The following DCC variants were observed in gnomAD, a reference collection of about 807,000 sequenced individuals.
DCC encodes netrin receptor DCC.
In DCC, 58 loss-of-function variants were observed where a neutral mutation model predicts 172.5. The observed-to-expected ratio is 0.34, with a 90% CI of 0.27 to 0.42. The LOEUF is 0.42. DCC is among the 10% of genes least tolerant of loss of function. The pLI, the probability that DCC is intolerant of heterozygous loss-of-function variation, is 1.00. For missense variants in DCC, 1,740 were observed against 1,791.0 expected (o/e 0.97, Z 0.51); for synonymous variants, 709 against 644.5 (o/e 1.10, Z -1.52).
chr18:52,500,829 C>G (rs574273065), intron 1 of DCC, among the ~76,000 whole-genome samples: 100 of 152,082 alleles, frequency 6.6e-4, no homozygotes, highest in Non-Finnish European at 1.3e-3. Flanking sequence ...TGTGACTTAG[C>G]CTTTTTGATT....
chr18:53,041,158 A>T (rs2143997719), intron 5 of DCC, among the ~76,000 whole-genome samples: 1 of 152,184 alleles, frequency 6.6e-6, no homozygotes, highest in East Asian at 1.9e-4. Flanking sequence ...TCTTACGTTT[A>T]AGTCTTTAAT....
At chr18:52,764,104 T>G (rs1385817316) in intron 2 of DCC, among the ~76,000 whole-genome samples, 1 of 152,236 alleles carries the variant, frequency 6.6e-6, no homozygotes, top group African/African-American at 2.4e-5. Context: ...AACATTTTGA[T>G]AGAAACTGGT....
chr18:53,180,910 GC>G (rs1274703684), intron 9 of DCC, among the ~76,000 whole-genome samples: 1 of 152,096 alleles, frequency 6.6e-6, no homozygotes, highest in African/African-American at 2.4e-5. Flanking sequence ...ATCGCGCCCA[GC>G]CCAACATTTG....
intron 1 of DCC, among the ~76,000 whole-genome samples, chr18:52,472,851 C>T (rs2144564210): frequency 6.6e-6 from 1 of 152,148 alleles, no homozygotes; most frequent in Admixed American, 6.6e-5. Context: ...AGGCTGCAGT[C>T]AACTATGATT....
At chr18:53,427,929 TATA>T (rs1230261118) in intron 21 of DCC, among the ~76,000 whole-genome samples, 3 of 35,618 alleles carry the variant, frequency 8.4e-5, no homozygotes, top group East Asian at 5.4e-4. Context: ...TAATATATAA[TATA>T]ATATAATATA....
chr18:52,867,357 C>T (rs140321121), intron 2 of DCC, among the ~76,000 whole-genome samples: 42 of 152,172 alleles, frequency 2.8e-4, no homozygotes, highest in African/African-American at 8.9e-4. Context: ...TGTTGTGTCT[C>T]TGTCAGGTTT....
At chr18:53,474,453 T>A (rs1274908103) in intron 25 of DCC, among the ~76,000 whole-genome samples, 1 of 152,212 alleles carries the variant, frequency 6.6e-6, no homozygotes, top group African/African-American at 2.4e-5. Context: ...CATCTTGAAT[T>A]CCCATGTCTT....
At chr18:53,344,885 G>GT (rs1217404578) in intron 15 of DCC, among the ~76,000 whole-genome samples, 1 of 124,212 alleles carries the variant, frequency 8.1e-6, no homozygotes, top group Non-Finnish European at 1.9e-5. Flanking sequence ...ACTCTGTCTT[G>GT]GAAAAAAAAA....
chr18:53,247,693 G>A (rs966787688), intron 12 of DCC, among the ~76,000 whole-genome samples: 2 of 152,012 alleles, frequency 1.3e-5, no homozygotes, highest in Non-Finnish European at 2.9e-5. Context: ...ACTGTTTGAA[G>A]TTAACCATTT....
chr18:53,043,861 C>G (rs374421094), intron 5 of DCC, among the ~76,000 whole-genome samples: 9 of 151,932 alleles, frequency 5.9e-5, no homozygotes, highest in African/African-American at 2.2e-4. Context: ...TATCCTCACA[C>G]ACCACACTCA....
At chr18:52,671,422 C>G (rs995438452) in intron 1 of DCC, among the ~76,000 whole-genome samples, 1 of 151,282 alleles carries the variant, frequency 6.6e-6, no homozygotes, top group Non-Finnish European at 1.5e-5. Context: ...TTTTTGATCT[C>G]TTTCCAATAT....
intron 7 of DCC, among the ~76,000 whole-genome samples, chr18:53,089,232 C>T (rs886522660): frequency 2.0e-5 from 3 of 151,934 alleles, no homozygotes; most frequent in African/African-American, 4.8e-5. Flanking sequence ...ATTACAGGTG[C>T]CTGCCACCAC....
At chr18:53,367,319 A>G (rs1316789267) in intron 15 of DCC, among the ~76,000 whole-genome samples, 1 of 152,190 alleles carries the variant, frequency 6.6e-6, no homozygotes, top group African/African-American at 2.4e-5. Flanking sequence ...TCAATAAAAT[A>G]AAATTCTTGA....
At chr18:52,859,017 T>TA (rs143817042) in intron 2 of DCC, among the ~76,000 whole-genome samples, 3,244 of 152,140 alleles carry the variant, frequency 0.021, 98 homozygotes, top group African/African-American at 0.07. Flanking sequence ...TTAGTGATGT[T>TA]AAAAAAATGG....
chr18:53,239,131 C>T (rs955099514), intron 12 of DCC, among the ~76,000 whole-genome samples: 3 of 150,426 alleles, frequency 2.0e-5, no homozygotes, highest in Non-Finnish European at 4.4e-5. Context: ...CAACATGGCA[C>T]GTGTATACAT....
intron 1 of DCC, among the ~76,000 whole-genome samples, chr18:52,734,297 T>C (rs2036691460): frequency 6.6e-6 from 1 of 152,160 alleles, no homozygotes; most frequent in African/African-American, 2.4e-5. Context: ...GTAAATTATA[T>C]GATGATCCTA....
chr18:52,842,249 T>C (rs1392811866), intron 2 of DCC, among the ~76,000 whole-genome samples: 1 of 152,034 alleles, frequency 6.6e-6, no homozygotes, highest in Non-Finnish European at 1.5e-5. Context: ...GAAACATATA[T>C]ACATAGTAGG....
intron 11 of DCC, among the ~76,000 whole-genome samples, chr18:53,214,696 T>G (rs1445793820): frequency 3.9e-5 from 6 of 152,118 alleles, no homozygotes; most frequent in Admixed American, 3.9e-4. Context: ...CTATTCCTAT[T>G]ATGGGGCAAA....
intron 1 of DCC, among the ~76,000 whole-genome samples, chr18:52,551,949 CGT>C (rs1448317157): frequency 6.6e-6 from 1 of 151,872 alleles, no homozygotes; most frequent in East Asian, 1.9e-4. Context: ...ATATTGGAAT[CGT>C]GTGTGGATTT....
Sources: allele counts gnomAD v4.1 joint callset (sites outside exome capture counted in the v4.1 genomes callset), GRCh38; gene constraint gnomAD v4.1.1; transcripts MANE v1.5; gene names NCBI Gene and HGNC (gene_info 2026-07-23, HGNC 2026-07-21).